The following MBD5 variants were observed in gnomAD, a reference collection of about 807,000 sequenced individuals.
MBD5 encodes methyl-CpG binding domain protein 5.
A neutral mutation model predicts 117.3 loss-of-function variants in MBD5; 13 were observed. The observed-to-expected ratio is 0.11, with a 90% CI of 0.07 to 0.18. The LOEUF (loss-of-function observed/expected upper bound fraction) is 0.18, where lower values mean the gene tolerates loss of function less well. MBD5 is among the 10% of genes least tolerant of loss of function. The probability of loss-of-function intolerance (pLI) is 1.00; values close to 1 mark genes in which losing one functional copy is unlikely to be tolerated. For missense variants in MBD5, 1,879 were observed against 2,093.8 expected (o/e 0.90, Z 2.00); for synonymous variants, 727 against 766.4 (o/e 0.95, Z 0.85).
At chr2:148,026,159 T>C (rs1261433258) in intron 1 of MBD5, 1 of 152,210 alleles carries the variant, frequency 6.6e-6, no homozygotes, top group Non-Finnish European at 1.5e-5. Flanking sequence ...TTCTTAACTT[T>C]CTATTTTAGT....
intron 1 of MBD5, among the ~76,000 whole-genome samples, chr2:148,108,467 A>C (rs1696425680): frequency 6.6e-6 from 1 of 151,816 alleles, no homozygotes; most frequent in Admixed American, 6.6e-5. Flanking sequence ...GCTTACACTA[A>C]GTAGCCTTTT....
At chr2:148,344,954 G>C (rs1254871106) in intron 4 of MBD5, among the ~76,000 whole-genome samples, 1 of 151,628 alleles carries the variant, frequency 6.6e-6, no homozygotes, top group Non-Finnish European at 1.5e-5. Context: ...CTGATGGAAG[G>C]GTTCCATGAC....
intron 8 of MBD5, among the ~76,000 whole-genome samples, chr2:148,479,065 G>A (rs1681061128): frequency 6.6e-6 from 1 of 152,148 alleles, no homozygotes; most frequent in South Asian, 2.1e-4. Context: ...AAGATTAAGT[G>A]GTTCAGAAAT....
At chr2:148,346,738 A>G (rs936101971) in intron 4 of MBD5, 4 of 151,874 alleles carry the variant, frequency 2.6e-5, no homozygotes, top group East Asian at 1.9e-4. Context: ...TAAATCATAT[A>G]TATCACAATT....
At chr2:148,386,208 G>A (rs1333109350) in intron 4 of MBD5, among the ~76,000 whole-genome samples, 1 of 151,930 alleles carries the variant, frequency 6.6e-6, no homozygotes, top group Non-Finnish European at 1.5e-5. Flanking sequence ...AAAAAAGTAA[G>A]AATAAGATAA....
intron 3 of MBD5, among the ~76,000 whole-genome samples, chr2:148,320,090 A>G (rs546715757): frequency 1.0e-3 from 152 of 152,222 alleles, no homozygotes; most frequent in Non-Finnish European, 1.3e-3. Flanking sequence ...CTTTGCATAA[A>G]TCCTACCTAA....
chr2:148,039,310 A>G (rs1694293197), intron 1 of MBD5, among the ~76,000 whole-genome samples: 1 of 152,032 alleles, frequency 6.6e-6, no homozygotes, highest in African/African-American at 2.4e-5. Flanking sequence ...TTTGTCTTCT[A>G]GGGACACATA....
rs1574081248 is a variant in MBD5, at chr2:148,160,180, A to C, written c.-924-18520A>C. On this transcript the variant is annotated intron_variant, in intron 1 of 13. Transcript: ENST00000642680. ...TTTGGGAGGCCGAGGCGGGCAGATC[A>C]CAAGGTCAGGAGTTTGAGACCAGCC... Among the ~76,000 whole-genome samples, 7 of 152,238 alleles carry C rather than the reference A, an allele frequency of 4.6e-5. No individual in the cohort carries two copies. In the South Asian group the frequency reaches 1.2e-3, roughly 27 times the overall value.
At chr2:148,313,806 G>C (rs1388890401) in intron 3 of MBD5, among the ~76,000 whole-genome samples, 1 of 152,184 alleles carries the variant, frequency 6.6e-6, no homozygotes, top group Non-Finnish European at 1.5e-5. Context: ...TGCAGGTTGT[G>C]AAGACCATGG....
chr2:148,433,301 C>T (rs1706048560), intron 4 of MBD5, among the ~76,000 whole-genome samples: 1 of 152,136 alleles, frequency 6.6e-6, no homozygotes, highest in South Asian at 2.1e-4. Flanking sequence ...CATCTGCAAA[C>T]AGGGGTAGTT....
At chr2:148,446,631 TAAAA>T in intron 4 of MBD5, among the ~76,000 whole-genome samples, 1 of 151,766 alleles carries the variant, frequency 6.6e-6, no homozygotes, top group Non-Finnish European at 1.5e-5. Flanking sequence ...TGTGTGTGTG[TAAAA>T]CTGAAATACT....
rs756624861 is a variant in MBD5, at chr2:148,198,072, C to T, written c.-831+19279C>T. 3.3e-5 allele frequency among the ~76,000 whole-genome samples: 5 copies of T among 152,030 alleles called. No homozygotes were observed. The South Asian group carries it at 1.0e-3, about 32-fold the overall frequency. On this transcript the variant is annotated intron_variant, in intron 2 of 13. Transcript: ENST00000642680. ...TCAGGTGATCTCCCCGCCTCAGCCT[C>T]CCAAAGTGAAATTCTTAATGACTGG...
intron 4 of MBD5, among the ~76,000 whole-genome samples, chr2:148,445,708 C>G (rs1310307585): frequency 2.6e-5 from 4 of 151,358 alleles, no homozygotes; most frequent in Non-Finnish European, 5.9e-5. Context: ...TGAGGAATCG[C>G]CACACCGACT....
intron 3 of MBD5, among the ~76,000 whole-genome samples, chr2:148,334,920 T>C (rs1037046160): frequency 2.0e-5 from 3 of 152,166 alleles, no homozygotes; most frequent in Non-Finnish European, 4.4e-5. Context: ...ATGTATCCTA[T>C]ATTTTATATT....
chr2:148,154,129 C>T (rs9752128), intron 1 of MBD5, among the ~76,000 whole-genome samples: 1 of 102,328 alleles, frequency 9.8e-6, no homozygotes, highest in Admixed American at 1.1e-4. Flanking sequence ...TGTGGATGTC[C>T]TTTCTGTTTG....
intron 1 of MBD5, among the ~76,000 whole-genome samples, chr2:148,066,779 C>T (rs1358239198): frequency 1.3e-5 from 2 of 152,122 alleles, no homozygotes; most frequent in African/African-American, 4.8e-5. Context: ...TGCCCAGCTA[C>T]CATGTTTTTT....
intron 12 of MBD5, 116 bp from the exon 13 acceptor site, chr2:148,509,944 G>C: frequency 2.7e-6 from 2 of 754,480 alleles, no homozygotes; most frequent in Non-Finnish European, 4.7e-6. Flanking sequence ...TTCCAAACGC[G>C]AGTATAAATT....
rs567787106 is a variant in MBD5, at chr2:148,255,542, C to A, written c.-680+22147C>A. Among the ~76,000 whole-genome samples, 14 of 152,302 alleles carry A rather than the reference C, an allele frequency of 9.2e-5. No individual in the cohort carries two copies. The South Asian group carries it at 2.7e-3, about 29-fold the overall frequency. On this transcript the variant is annotated intron_variant, in intron 3 of 13. Coordinates refer to ENST00000642680, the MANE Select transcript of MBD5 (RefSeq NM_001378120.1). ...CATGGCCACAACCAGGTTTTCTATTCCCCTGCCTTCAGGTGCACTAGGTCA... is the reference window on the plus strand; with the variant it reads ...CATGGCCACAACCAGGTTTTCTATTACCCTGCCTTCAGGTGCACTAGGTCA...
intron 1 of MBD5, among the ~76,000 whole-genome samples, chr2:148,037,304 G>A (rs1314739434): frequency 6.6e-6 from 1 of 151,794 alleles, no homozygotes; most frequent in Non-Finnish European, 1.5e-5. Flanking sequence ...TTATAAACAA[G>A]TTCTACAAAA....
Sources: allele counts gnomAD v4.1 joint callset (sites outside exome capture counted in the v4.1 genomes callset), GRCh38; gene constraint gnomAD v4.1.1; transcripts MANE v1.5; gene names NCBI Gene and HGNC (gene_info 2026-07-23, HGNC 2026-07-21).